DAB1: variants seen among roughly 807,000 people sequenced by gnomAD.
The protein encoded by DAB1 is disabled homolog 1.
A neutral mutation model predicts 64.6 loss-of-function variants in DAB1; 15 were observed. That is an observed-to-expected ratio of 0.23 (90% CI 0.16 to 0.36). DAB1 has a LOEUF of 0.36. Among genes scored for constraint, DAB1 ranks in the 10% least tolerant of loss-of-function variants. DAB1 has a pLI of 1.00. For missense variants in DAB1, 596 were observed against 706.7 expected (o/e 0.84, Z 1.78); for synonymous variants, 235 against 251.9 (o/e 0.93, Z 0.64).
At chr1:57,401,996 C>G (rs968306799) in intron 1 of DAB1, among the ~76,000 whole-genome samples, 16 of 152,004 alleles carry the variant, frequency 1.1e-4, no homozygotes, top group African/African-American at 3.9e-4. Flanking sequence ...CATAATGACA[C>G]CATTATACAA....
rs1558002698 is a variant in DAB1 at position 57,238,895 on chromosome 1, C to CACACACACACACACACACACA, written c.67+52068_67+52069insTGTGTGTGTGTGTGTGTGTGT. On this transcript the variant is annotated intron_variant, in intron 2 of 14. Transcript: ENST00000371236. The stretch of plus-strand genomic sequence containing the variant: ...CACACACACACACACACACACACAC[C>CACACACACACACACACACACA]CCTAACTTGAAATGGTTTTCTTAGC... 9.6e-5 allele frequency among the ~76,000 whole-genome samples: 12 copies of CACACACACACACACACACACA among 124,672 alleles called. 1 individual carries two copies. The highest frequency in any genetic ancestry group is 4.5e-4 in the Admixed American group (5 of 11,210). 81.8% of individuals were successfully genotyped at this position (124,672 alleles called of 152,430 possible). A position where few individuals can be genotyped will look rare whatever the true frequency, so the allele number is the denominator to read the frequency against.
intron 14 of DAB1, 45 bp downstream of exon 14, chr1:57,010,635 G>T: frequency 9.4e-7 from 1 of 1,059,958 alleles, no homozygotes; most frequent in Non-Finnish European, 1.3e-6. Context: ...AAAAGGGAAA[G>T]CAGATAGCTT....
chr1:58,292,323 T>C (rs897356347), intron 4 of DAB1, among the ~76,000 whole-genome samples: 12 of 151,770 alleles, frequency 7.9e-5, no homozygotes, highest in African/African-American at 2.9e-4. Context: ...ACAGAGAAAA[T>C]CAGAAAGAGA....
At chr1:58,061,940 G>T (rs555576411) in intron 5 of DAB1, among the ~76,000 whole-genome samples, 1 of 152,084 alleles carries the variant, frequency 6.6e-6, no homozygotes, top group Non-Finnish European at 1.5e-5. Flanking sequence ...ACTGAGCTTA[G>T]TATCTACCCT....
At chr1:57,155,943 G>T (rs938268919) in intron 2 of DAB1, among the ~76,000 whole-genome samples, 1 of 152,038 alleles carries the variant, frequency 6.6e-6, no homozygotes, top group African/African-American at 2.4e-5. Context: ...TTTCCAAATA[G>T]AAGATCATAT....
intron 2 of DAB1, among the ~76,000 whole-genome samples, chr1:57,211,827 A>C (rs1666031056): frequency 6.6e-6 from 1 of 152,236 alleles, no homozygotes. Flanking sequence ...TTTACATTGT[A>C]CTAGGTATTA....
At chr1:58,250,913 GC>G (rs1440786104) in intron 4 of DAB1, among the ~76,000 whole-genome samples, 1 of 152,160 alleles carries the variant, frequency 6.6e-6, no homozygotes, top group Non-Finnish European at 1.5e-5. Context: ...GCAAGATTTT[GC>G]AGCAGCAGAC....
At chr1:58,213,159 T>C (rs552664037) in intron 4 of DAB1, among the ~76,000 whole-genome samples, 3 of 152,270 alleles carry the variant, frequency 2.0e-5, no homozygotes, top group Non-Finnish European at 2.9e-5. Context: ...TCAAATTTGG[T>C]ATAAGGAATG....
intron 6 of DAB1, among the ~76,000 whole-genome samples, chr1:57,802,101 A>T (rs1211744425): frequency 6.6e-6 from 1 of 152,198 alleles, no homozygotes; most frequent in Non-Finnish European, 1.5e-5. Flanking sequence ...AAAGCAAGAC[A>T]TGGTGCAAAA....
intron 1 of DAB1, among the ~76,000 whole-genome samples, chr1:57,323,363 G>A (rs10889034): frequency 0.34 from 51,928 of 152,038 alleles, 9,924 homozygotes; most frequent in Non-Finnish European, 0.44. Context: ...GAGTTATAGA[G>A]GGGAAGATTA....
intron 2 of DAB1, among the ~76,000 whole-genome samples, chr1:57,225,292 GAC>G (rs1162267018): frequency 6.6e-6 from 1 of 152,210 alleles, no homozygotes; most frequent in African/African-American, 2.4e-5. Flanking sequence ...CTGGAGTGGG[GAC>G]AGTCTTGTAG....
chr1:57,080,774 A>C (rs938519578), intron 4 of DAB1, among the ~76,000 whole-genome samples: 1 of 151,744 alleles, frequency 6.6e-6, no homozygotes, highest in Non-Finnish European at 1.5e-5. Flanking sequence ...ACACACACAC[A>C]CCTTAAATAA....
At chr1:57,815,228 C>A (rs1310973764) in intron 6 of DAB1, among the ~76,000 whole-genome samples, 1 of 151,946 alleles carries the variant, frequency 6.6e-6, no homozygotes, top group Non-Finnish European at 1.5e-5. Context: ...GCCACCACAC[C>A]CGGCTAATTT....
intron 13 of DAB1, 134 bp from the exon 14 acceptor site, chr1:57,010,924 C>T (rs1646247445): frequency 2.3e-6 from 2 of 854,470 alleles, no homozygotes; most frequent in Non-Finnish European, 3.6e-6. Flanking sequence ...GAGGATGCTA[C>T]ACCACAAATG....
chr1:57,948,579 C>T (rs552447542), intron 5 of DAB1, among the ~76,000 whole-genome samples: 3 of 152,288 alleles, frequency 2.0e-5, no homozygotes, highest in South Asian at 2.1e-4. Flanking sequence ...GCCCAGGCCA[C>T]AGGAGTCCAG....
chr1:57,192,458 C>T (rs1461274766), intron 2 of DAB1, among the ~76,000 whole-genome samples: 6 of 152,108 alleles, frequency 3.9e-5, no homozygotes, highest in African/African-American at 1.4e-4. Flanking sequence ...GGTTACTCAT[C>T]CATGAAAGTG....
Position 57,558,450 on chromosome 1 carries a change from C to T in DAB1, n.625+91142G>A, listed in dbSNP as rs143417031. ...GTTGAGAGGGTGACCCATGAGGAAG[C>T]GTGCTACACTCAAAAAGAACTGCTT... On this transcript the variant is annotated intron_variant and non_coding_transcript_variant, in intron 7 of 20. Transcript: ENST00000485760. 4.1e-4 allele frequency among the ~76,000 whole-genome samples: 63 copies of T among 152,260 alleles called. No homozygotes were observed. The East Asian group carries it at 7.9e-3, about 19-fold the overall frequency.
intron 4 of DAB1, among the ~76,000 whole-genome samples, chr1:58,291,180 C>T (rs972471017): frequency 1.3e-4 from 20 of 152,194 alleles, no homozygotes; most frequent in African/African-American, 4.8e-4. Flanking sequence ...TGAGTCACTC[C>T]ACAGCCATCA....
At chr1:57,852,081 C>A (rs1159580895) in intron 1 of DAB1, among the ~76,000 whole-genome samples, 2 of 152,220 alleles carry the variant, frequency 1.3e-5, no homozygotes, top group African/African-American at 4.8e-5. Flanking sequence ...CCTGTCCCTT[C>A]CTCTTCTTTC....
Sources: gnomAD v4.1 joint callset for allele counts (sites outside exome capture counted in the v4.1 genomes callset) on GRCh38, gnomAD v4.1.1 for gene constraint, MANE v1.5 for transcripts, NCBI Gene and HGNC (gene_info 2026-07-23, HGNC 2026-07-21) for gene names.